SPAG16: variants seen among roughly 807,000 people sequenced by gnomAD.
The protein encoded by SPAG16 is sperm-associated antigen 16 protein.
A neutral mutation model predicts 80.4 loss-of-function variants in SPAG16; 86 were observed. The observed-to-expected ratio is 1.07, with a 90% CI of 0.90 to 1.28. The LOEUF (loss-of-function observed/expected upper bound fraction) is 1.28, where lower values mean the gene tolerates loss of function less well. SPAG16 is among the 50% of genes most tolerant of loss of function. The pLI, the probability that SPAG16 is intolerant of heterozygous loss-of-function variation, is 0.00. For synonymous variants in SPAG16, 294 were observed against 265.9 expected (o/e 1.11, Z -1.03); for missense variants, 870 against 765.3 (o/e 1.14, Z -1.61).
chr2:213,779,400 G>C (rs923789342), intron 10 of SPAG16, among the ~76,000 whole-genome samples: 1 of 152,098 alleles, frequency 6.6e-6, no homozygotes, highest in Non-Finnish European at 1.5e-5. Flanking sequence ...TAAAAAAATT[G>C]TGCTTGCCTA....
chr2:214,032,306 CT>C (rs1314430797), intron 13 of SPAG16, among the ~76,000 whole-genome samples: 2 of 152,186 alleles, frequency 1.3e-5, no homozygotes, highest in African/African-American at 2.4e-5. Context: ...TGTTTTACCC[CT>C]CTTTGATCTT....
chr2:213,380,858 G>C (rs1445117761), intron 9 of SPAG16, among the ~76,000 whole-genome samples: 1 of 152,120 alleles, frequency 6.6e-6, no homozygotes, highest in Non-Finnish European at 1.5e-5. Context: ...CTCCTGTTCT[G>C]GACCTCACTC....
At chr2:213,547,679 A>C (rs2076654770) in intron 10 of SPAG16, among the ~76,000 whole-genome samples, 2 of 152,166 alleles carry the variant, frequency 1.3e-5, no homozygotes, top group African/African-American at 4.8e-5. Flanking sequence ...TACACAGTGA[A>C]ATTCCCATTG....
chr2:213,910,327 A>C (rs1405858605), intron 11 of SPAG16, among the ~76,000 whole-genome samples: 1 of 152,208 alleles, frequency 6.6e-6, no homozygotes, highest in African/African-American at 2.4e-5. Flanking sequence ...CAGATCATAT[A>C]AATCTATTAC....
At chr2:214,374,881 C>T (rs762012598) in intron 15 of SPAG16, among the ~76,000 whole-genome samples, 1 of 152,156 alleles carries the variant, frequency 6.6e-6, no homozygotes, top group African/African-American at 2.4e-5. Context: ...TTATTTATTT[C>T]TTGTGCTTGA....
intron 10 of SPAG16, among the ~76,000 whole-genome samples, chr2:213,846,535 T>C (rs1004933412): frequency 3.3e-5 from 5 of 152,030 alleles, no homozygotes; most frequent in African/African-American, 4.8e-5. Context: ...GTCCATGTCA[T>C]AAAATTGTAT....
intron 10 of SPAG16, among the ~76,000 whole-genome samples, chr2:213,813,884 G>A (rs922807369): frequency 6.6e-6 from 1 of 152,078 alleles, no homozygotes; most frequent in Non-Finnish European, 1.5e-5. Flanking sequence ...GACATGAAGA[G>A]GCAGGAAAGA....
chr2:213,506,448 A>G (rs1450457665), intron 10 of SPAG16, among the ~76,000 whole-genome samples: 3 of 152,156 alleles, frequency 2.0e-5, no homozygotes, highest in Non-Finnish European at 4.4e-5. Flanking sequence ...AAGTGTGTCA[A>G]GTTATATTTT....
At chr2:214,087,068 A>T in intron 13 of SPAG16, among the ~76,000 whole-genome samples, 1 of 151,932 alleles carries the variant, frequency 6.6e-6, no homozygotes, top group East Asian at 1.9e-4. Flanking sequence ...TGGTTTCTTC[A>T]CTCCTTTACT....
intron 10 of SPAG16, among the ~76,000 whole-genome samples, chr2:213,547,294 G>A (rs1025335468): frequency 1.3e-5 from 2 of 151,992 alleles, no homozygotes; most frequent in Admixed American, 6.5e-5. Flanking sequence ...AAATAGTCAT[G>A]GTGTATTCTT....
intron 9 of SPAG16, among the ~76,000 whole-genome samples, chr2:213,432,140 A>C (rs916602707): frequency 6.6e-6 from 1 of 152,256 alleles, no homozygotes; most frequent in East Asian, 1.9e-4. Flanking sequence ...CATTAAAAGA[A>C]GAAAGATCAC....
chr2:213,781,464 A>G (rs1160724865), intron 10 of SPAG16, among the ~76,000 whole-genome samples: 1 of 152,088 alleles, frequency 6.6e-6, no homozygotes, highest in African/African-American at 2.4e-5. Context: ...TTTCATGTGT[A>G]GCTCTGCTAT....
chr2:214,370,783 A>G (rs560666967), intron 15 of SPAG16, among the ~76,000 whole-genome samples: 24 of 152,322 alleles, frequency 1.6e-4, no homozygotes, highest in African/African-American at 5.5e-4. Context: ...ATTTTAAGAC[A>G]TATTTCTCTT....
At chr2:214,153,595 A>G (rs373816354) in intron 15 of SPAG16, among the ~76,000 whole-genome samples, 2 of 152,040 alleles carry the variant, frequency 1.3e-5, no homozygotes, top group South Asian at 2.1e-4. Flanking sequence ...CCTTTTAGGG[A>G]TGAGAGAAAT....
chr2:214,366,722 T>C (rs1699504718), intron 15 of SPAG16, among the ~76,000 whole-genome samples: 1 of 152,010 alleles, frequency 6.6e-6, no homozygotes, highest in African/African-American at 2.4e-5. Flanking sequence ...TGGAAAACAA[T>C]TGGAACACAG....
At chr2:213,639,418 G>A (rs560184013) in intron 10 of SPAG16, among the ~76,000 whole-genome samples, 107 of 152,268 alleles carry the variant, frequency 7.0e-4, no homozygotes, top group African/African-American at 2.5e-3. Context: ...CCTTTTAGCA[G>A]TTCTTGTAGT....
chr2:213,558,300 A>T (rs1172337756), intron 10 of SPAG16, among the ~76,000 whole-genome samples: 1 of 152,104 alleles, frequency 6.6e-6, no homozygotes, highest in Non-Finnish European at 1.5e-5. Flanking sequence ...TAAGCTTAAG[A>T]TGTCTTTTGA....
intron 11 of SPAG16, among the ~76,000 whole-genome samples, chr2:213,892,595 A>C (rs2076826794): frequency 6.6e-6 from 1 of 152,130 alleles, no homozygotes; most frequent in South Asian, 2.1e-4. Flanking sequence ...ATATCAGAAA[A>C]ATTTAATAAA....
chr2:213,878,164 A>G (rs2076207951), intron 11 of SPAG16, among the ~76,000 whole-genome samples: 1 of 152,126 alleles, frequency 6.6e-6, no homozygotes, highest in African/African-American at 2.4e-5. Context: ...TATTATTGAT[A>G]TAATAATTTC....
Sources: gnomAD v4.1 joint callset for allele counts (sites outside exome capture counted in the v4.1 genomes callset) on GRCh38, gnomAD v4.1.1 for gene constraint, MANE v1.5 for transcripts, NCBI Gene and HGNC (gene_info 2026-07-23, HGNC 2026-07-21) for gene names.